The following ANKRD55 variants were observed in gnomAD, a reference collection of about 807,000 sequenced individuals.
ANKRD55 encodes the protein ankyrin repeat domain 55, also known as ankyrin repeat domain-containing protein 55.
A neutral mutation model predicts 60.6 loss-of-function variants in ANKRD55; 41 were observed. That is an observed-to-expected ratio of 0.68 (90% CI 0.53 to 0.88). The LOEUF (loss-of-function observed/expected upper bound fraction) is 0.88. Among genes scored for constraint, ANKRD55 ranks in the 40% least tolerant of loss-of-function variants. The pLI is 0.00. For synonymous variants in ANKRD55, 264 were observed against 290.3 expected (o/e 0.91, Z 0.92); for missense variants, 732 against 767.6 (o/e 0.95, Z 0.55).
chr5:56,203,182 T>G (rs2111861063), intron 2 of ANKRD55, among the ~76,000 whole-genome samples: 1 of 152,272 alleles, frequency 6.6e-6, no homozygotes, highest in South Asian at 2.1e-4. Context: ...TGGCTCTGTG[T>G]TCCCACCCAA....
intron 2 of ANKRD55, among the ~76,000 whole-genome samples, chr5:56,188,164 A>G (rs1345633411): frequency 6.6e-6 from 1 of 152,100 alleles, no homozygotes. Flanking sequence ...GGCCATGGAG[A>G]TGGATTCAGG....
intron 9 of ANKRD55, among the ~76,000 whole-genome samples, chr5:56,113,932 G>A (rs1756811299): frequency 1.3e-5 from 2 of 150,782 alleles, no homozygotes; most frequent in South Asian, 4.2e-4. Context: ...TTACAGGCGT[G>A]AGTCACTGCG....
chr5:56,197,564 C>T (rs1759254373), intron 2 of ANKRD55, among the ~76,000 whole-genome samples: 1 of 152,116 alleles, frequency 6.6e-6, no homozygotes, highest in African/African-American at 2.4e-5. Flanking sequence ...GATGTATTCA[C>T]TATCTTTTAG....
At chr5:56,210,384 A>C (rs1369757271) in intron 2 of ANKRD55, among the ~76,000 whole-genome samples, 2 of 151,804 alleles carry the variant, frequency 1.3e-5, no homozygotes, top group Non-Finnish European at 2.9e-5. Flanking sequence ...ACCACGGTGA[A>C]ACCCCGTCTC....
intron 11 of ANKRD55, among the ~76,000 whole-genome samples, chr5:56,101,902 G>C (rs1756287041): frequency 6.6e-6 from 1 of 151,866 alleles, no homozygotes; most frequent in South Asian, 2.1e-4. Context: ...AATTTTTAAA[G>C]CACCTTCCTA....
chr5:56,173,155 T>A (rs1758646190), intron 4 of ANKRD55, among the ~76,000 whole-genome samples: 2 of 152,214 alleles, frequency 1.3e-5, no homozygotes, highest in South Asian at 4.1e-4. Context: ...TTTGGACATA[T>A]CGAGGACCAC....
At chr5:56,224,416 C>T (rs1760051905) in intron 2 of ANKRD55, among the ~76,000 whole-genome samples, 3 of 152,092 alleles carry the variant, frequency 2.0e-5, no homozygotes, top group Non-Finnish European at 4.4e-5. Flanking sequence ...CCTAACATCA[C>T]AACTAAAAGA....
chr5:56,115,676 T>C (rs1018579412), intron 9 of ANKRD55, among the ~76,000 whole-genome samples: 3 of 152,126 alleles, frequency 2.0e-5, no homozygotes, highest in African/African-American at 7.2e-5. Flanking sequence ...TTGCCAAAAA[T>C]ATAAAACAAT....
At chr5:56,213,856 C>T (rs1312931431) in intron 2 of ANKRD55, among the ~76,000 whole-genome samples, 1 of 152,214 alleles carries the variant, frequency 6.6e-6, no homozygotes, top group African/African-American at 2.4e-5. Context: ...AATTCTGTCT[C>T]TTCCAACTTC....
intron 9 of ANKRD55, among the ~76,000 whole-genome samples, chr5:56,113,383 T>C (rs1756793820): frequency 6.6e-6 from 1 of 152,204 alleles, no homozygotes; most frequent in Non-Finnish European, 1.5e-5. Flanking sequence ...CTTAATAATG[T>C]CCTTGTTTAG....
intron 5 of ANKRD55, among the ~76,000 whole-genome samples, chr5:56,161,402 A>G (rs1181494826): frequency 6.6e-6 from 1 of 152,246 alleles, no homozygotes; most frequent in African/African-American, 2.4e-5. Flanking sequence ...TTGTAAAATG[A>G]AATTGTTTAG....
chr5:56,103,022 A>T (rs1365039256), intron 10 of ANKRD55, among the ~76,000 whole-genome samples: 1 of 152,232 alleles, frequency 6.6e-6, no homozygotes, highest in Non-Finnish European at 1.5e-5. Flanking sequence ...GCTAGAAAAC[A>T]TACTGCTTTC....
chr5:56,132,424 C>CAAAAAAAAAA (rs34289990), intron 7 of ANKRD55, among the ~76,000 whole-genome samples: 11 of 120,352 alleles, frequency 9.1e-5, no homozygotes, highest in African/African-American at 4.0e-4. Context: ...ACTTAAAATA[C>CAAAAAAAAAA]AAAAAAAAAA....
intron 2 of ANKRD55, among the ~76,000 whole-genome samples, chr5:56,204,728 C>T (rs1006100124): frequency 7.2e-5 from 11 of 152,276 alleles, no homozygotes; most frequent in Admixed American, 2.6e-4. Flanking sequence ...TGGACTAATA[C>T]AGGTAGGTAG....
intron 2 of ANKRD55, among the ~76,000 whole-genome samples, chr5:56,226,193 C>A (rs938697862): frequency 1.3e-5 from 2 of 152,196 alleles, no homozygotes. Flanking sequence ...CTAAAACCAT[C>A]TGATCTTTGA....
intron 5 of ANKRD55, among the ~76,000 whole-genome samples, chr5:56,166,147 TTTCTTTCTTCTTTCCTTCC>T (rs1561277825): frequency 3.8e-5 from 4 of 104,564 alleles, no homozygotes; most frequent in African/African-American, 2.1e-4. Context: ...TCTTTCTTTC[TTTCTTTCTTCTTTCCTTCC>T]TTCCTTCCTT....
At position 56,173,572 on chromosome 5, in the gene ANKRD55, CTCTCTCTCTCTATATATA is replaced by C. The variant is rs1270545270; in HGVS notation, c.312+2562_312+2579del. ...TCTCTCTCTCTCTCTCTCTCTCTCT[CTCTCTCTCTCTATATATA>C]TATATATATATATATATCTTGGCTC... On this transcript the variant is annotated intron_variant, in intron 4 of 11. Coordinates refer to ENST00000341048, the MANE Select transcript of ANKRD55 (RefSeq NM_024669.3). Among the ~76,000 whole-genome samples, 153 of 106,056 alleles carry C rather than the reference CTCTCTCTCTCTATATATA, an allele frequency of 1.4e-3. No homozygotes were observed. The East Asian group carries it at 0.016, about 11-fold the overall frequency. The allele number at this position is 106,056 out of a possible 152,430, so 69.6% of individuals were successfully genotyped here. A position where few individuals can be genotyped will look rare whatever the true frequency, so the allele number is the denominator to read the frequency against.
chr5:56,162,553 C>T (rs1758356719), intron 5 of ANKRD55, among the ~76,000 whole-genome samples: 1 of 152,166 alleles, frequency 6.6e-6, no homozygotes, highest in Admixed American at 6.5e-5. Context: ...AGTAACAGCC[C>T]CTTCCTTGCC....
chr5:56,195,975 T>C (rs1759219029), intron 2 of ANKRD55, among the ~76,000 whole-genome samples: 1 of 152,212 alleles, frequency 6.6e-6, no homozygotes, highest in South Asian at 2.1e-4. Flanking sequence ...TGAATTTTCA[T>C]ATGTGTTACT....
Sources: gnomAD v4.1 joint callset for allele counts (sites outside exome capture counted in the v4.1 genomes callset) on GRCh38, gnomAD v4.1.1 for gene constraint, MANE v1.5 for transcripts, NCBI Gene and HGNC (gene_info 2026-07-23, HGNC 2026-07-21) for gene names.